DIAPH2: variants seen among roughly 807,000 people sequenced by gnomAD.
The protein encoded by DIAPH2 is diaphanous related formin 2, also known as protein diaphanous homolog 2.
Under a neutral mutation model 92.7 loss-of-function variants are expected in DIAPH2, and 35 were observed. The ratio of observed to expected loss-of-function variants is 0.38; its 90% CI spans 0.29 to 0.50. DIAPH2 has a LOEUF of 0.50. DIAPH2 is among the 20% of genes least tolerant of loss of function. The probability of loss-of-function intolerance (pLI) is 0.94; values close to 1 mark genes in which losing one functional copy is unlikely to be tolerated. For missense variants in DIAPH2, 701 were observed against 819.5 expected (o/e 0.86, Z 1.77); for synonymous variants, 301 against 280.4 (o/e 1.07, Z -0.73).
intron 23 of DIAPH2, among the ~76,000 whole-genome samples, chrX:97,257,114 GAATT>G (rs748835696): frequency 1.4e-4 from 16 of 111,321 alleles, no homozygotes; most frequent in East Asian, 1.1e-3. Flanking sequence ...TACATTGTCT[GAATT>G]AATTAATGAA....
At chrX:97,169,412 C>G (rs1326387367) in intron 22 of DIAPH2, among the ~76,000 whole-genome samples, 1 of 111,729 alleles carries the variant, frequency 9.0e-6, no homozygotes, top group African/African-American at 3.3e-5. Context: ...AAAGATCACT[C>G]TGTCTCCTGG....
chrX:96,831,890 G>C (rs1462670827), intron 4 of DIAPH2, among the ~76,000 whole-genome samples: 1 of 111,263 alleles, frequency 9.0e-6, no homozygotes, highest in Admixed American at 9.6e-5. Flanking sequence ...AAAGGAAGTA[G>C]AATATTCAGA....
chrX:96,727,304 T>C (rs1280776328), intron 1 of DIAPH2, among the ~76,000 whole-genome samples: 1 of 112,207 alleles, frequency 8.9e-6, no homozygotes, highest in Non-Finnish European at 1.9e-5. Context: ...AAAGTCAGCT[T>C]TCTAAAATAC....
At chrX:97,409,752 C>A (rs749688748) in intron 25 of DIAPH2, among the ~76,000 whole-genome samples, 1 of 112,415 alleles carries the variant, frequency 8.9e-6, no homozygotes, top group Admixed American at 9.4e-5. Flanking sequence ...CCCACGCTCA[C>A]GGAGCCTTGC....
chrX:97,103,406 C>T (rs2066918556), intron 20 of DIAPH2, among the ~76,000 whole-genome samples: 1 of 110,923 alleles, frequency 9.0e-6, no homozygotes, highest in Non-Finnish European at 1.9e-5. Flanking sequence ...GATCAGTCTC[C>T]TTTTTCTCTC....
intron 26 of DIAPH2, among the ~76,000 whole-genome samples, chrX:97,457,017 TG>T (rs902582803): frequency 3.6e-5 from 4 of 112,051 alleles, no homozygotes; most frequent in Non-Finnish European, 5.6e-5. Flanking sequence ...TGTTTTGTTT[TG>T]TTTTTTTGTT....
intron 23 of DIAPH2, among the ~76,000 whole-genome samples, chrX:97,269,213 G>A (rs909775131): frequency 5.4e-5 from 6 of 111,545 alleles, no homozygotes; most frequent in Non-Finnish European, 1.1e-4. Flanking sequence ...TTCCTATTTT[G>A]AGGAGCCACA....
chrX:97,181,638 G>A (rs759257803), intron 22 of DIAPH2, among the ~76,000 whole-genome samples: 1 of 111,869 alleles, frequency 8.9e-6, no homozygotes, highest in African/African-American at 3.3e-5. Context: ...TTGAACTCCC[G>A]ACCTCAGGTG....
At chrX:96,914,734 C>T (rs1364925720) in intron 7 of DIAPH2, among the ~76,000 whole-genome samples, 1 of 110,041 alleles carries the variant, frequency 9.1e-6, no homozygotes, top group African/African-American at 3.3e-5. Flanking sequence ...TTGGCAGTTT[C>T]GGAAAGCATA....
intron 21 of DIAPH2, among the ~76,000 whole-genome samples, chrX:97,127,388 A>T (rs1318763298): frequency 8.9e-6 from 1 of 111,935 alleles, no homozygotes; most frequent in Admixed American, 9.4e-5. Flanking sequence ...CTACTTAGAA[A>T]CCTGTGCTGA....
intron 24 of DIAPH2, among the ~76,000 whole-genome samples, chrX:97,374,370 C>T (rs1337805738): frequency 2.7e-5 from 3 of 111,918 alleles, no homozygotes; most frequent in African/African-American, 9.8e-5. Flanking sequence ...TGTCTAACTA[C>T]AGTATCAATA....
chrX:97,023,680 T>C (rs969209686), intron 17 of DIAPH2, among the ~76,000 whole-genome samples: 3 of 111,921 alleles, frequency 2.7e-5, no homozygotes, highest in Non-Finnish European at 5.6e-5. Flanking sequence ...TCATTTTCTG[T>C]TCTAAGTATT....
rs1240230782 is a variant in DIAPH2, at chrX:97,583,485, C to T, written c.3242-15768C>T. 3.1e-3 allele frequency among the ~76,000 whole-genome samples: 338 copies of T among 108,724 alleles called. 2 individuals carry two copies. The highest frequency in any genetic ancestry group is 0.012 in the African/African-American group (321 of 27,898). 94.4% of individuals were successfully genotyped at this position (108,724 alleles called of 115,157 possible). A position where few individuals can be genotyped will look rare whatever the true frequency, so the allele number is the denominator to read the frequency against. ...GAGGGTGCCTCCCAGTTAGGCTGCTCGGGGGTCAGGGGTCAGGGACCCACT... is the reference window on the plus strand; with the variant it reads ...GAGGGTGCCTCCCAGTTAGGCTGCTTGGGGGTCAGGGGTCAGGGACCCACT... On this transcript the variant is annotated intron_variant, in intron 26 of 26. Transcript: ENST00000324765.
At chrX:97,484,474 G>A (rs1212830915) in intron 26 of DIAPH2, among the ~76,000 whole-genome samples, 1 of 112,218 alleles carries the variant, frequency 8.9e-6, no homozygotes, top group African/African-American at 3.2e-5. Context: ...TATTGATATT[G>A]TTTATCTTTT....
Position 97,058,518 on chromosome X carries a change from C to T in DIAPH2, c.2051-14423C>T, listed in dbSNP as rs1346594319. Among the ~76,000 whole-genome samples, 4 of 103,551 alleles carry T rather than the reference C, an allele frequency of 3.9e-5. 1 individual carries two copies. Among genetic ancestry groups the T allele is most frequent in the South Asian group, 9.2e-4 (2 of 2,164 alleles). 89.9% of individuals were successfully genotyped at this position (103,551 alleles called of 115,157 possible). A position where few individuals can be genotyped will look rare whatever the true frequency, so the allele number is the denominator to read the frequency against. On this transcript the variant is annotated intron_variant, in intron 17 of 26. Coordinates refer to ENST00000324765, the MANE Select transcript of DIAPH2 (RefSeq NM_006729.5). The stretch of plus-strand genomic sequence containing the variant: ...TGCTTGACCTTCCTGCTACTTTTGA[C>T]ACTGTTGATTACTTTCTCTTATTGA...
intron 5 of DIAPH2, among the ~76,000 whole-genome samples, chrX:96,891,287 C>T (rs1003891091): frequency 8.9e-6 from 1 of 112,228 alleles, no homozygotes. Context: ...AGCCTTGTTA[C>T]AGTTGCATGG....
intron 4 of DIAPH2, among the ~76,000 whole-genome samples, chrX:96,851,796 G>C (rs953454557): frequency 1.8e-5 from 2 of 112,129 alleles, no homozygotes; most frequent in Non-Finnish European, 3.8e-5. Flanking sequence ...AACCAAAAAA[G>C]GTAGTTTAGT....
chrX:97,538,010 C>T (rs916319642), intron 26 of DIAPH2, among the ~76,000 whole-genome samples: 2 of 108,478 alleles, frequency 1.8e-5, no homozygotes, highest in Non-Finnish European at 3.8e-5. Context: ...TCAGCCTCCC[C>T]AGTAGCTGGG....
At chrX:97,306,187 C>T (rs1193667165) in intron 23 of DIAPH2, among the ~76,000 whole-genome samples, 1 of 111,153 alleles carries the variant, frequency 9.0e-6, no homozygotes, top group East Asian at 2.8e-4. Flanking sequence ...TTTGCCTCCC[C>T]GCATCTCTCC....
Sources: allele counts gnomAD v4.1 joint callset (sites outside exome capture counted in the v4.1 genomes callset), GRCh38; gene constraint gnomAD v4.1.1; transcripts MANE v1.5; gene names NCBI Gene and HGNC (gene_info 2026-07-23, HGNC 2026-07-21).